The following BICD1 variants were observed in gnomAD, a reference collection of about 807,000 sequenced individuals.
BICD1 encodes the protein BICD cargo adaptor 1.
Under a neutral mutation model 92.5 loss-of-function variants are expected in BICD1, and 35 were observed. The observed-to-expected ratio is 0.38, with a 90% CI of 0.29 to 0.50. The LOEUF (loss-of-function observed/expected upper bound fraction) is 0.50. Ranked by LOEUF, BICD1 falls within the 20% of genes least tolerant of loss-of-function variation. The pLI is 0.93. For synonymous variants in BICD1, 429 were observed against 465.1 expected, an observed-to-expected ratio of 0.92 and a Z score of 1.00; for missense variants, 950 against 1,189.8, an observed-to-expected ratio of 0.80 and a Z score of 2.97.
rs949719894 is a variant in BICD1, at chr12:32,188,604, G to A, written c.214-27643G>A. ...ATTAGTTTGAAGAGAGACAGAGTAT[G>A]TGCACATTTAAACTTAAGGCAGAAA... On this transcript the variant is annotated intron_variant, in intron 1 of 9. Coordinates refer to ENST00000652176, the MANE Select transcript of BICD1 (RefSeq NM_001714.4). Among the ~76,000 whole-genome samples, 3 of 152,212 alleles carry A rather than the reference G, an allele frequency of 2.0e-5. No homozygotes were observed. In the East Asian group the frequency reaches 5.8e-4, roughly 29 times the overall value.
At chr12:32,336,112 AAAT>A (rs879392178) in intron 6 of BICD1, among the ~76,000 whole-genome samples, 3 of 152,384 alleles carry the variant, frequency 2.0e-5, no homozygotes, top group Non-Finnish European at 4.4e-5. Context: ...TCCGTCTCAA[AAAT>A]AATAATAATT....
At chr12:32,245,686 C>A (rs546825842) in intron 2 of BICD1, among the ~76,000 whole-genome samples, 50 of 152,058 alleles carry the variant, frequency 3.3e-4, no homozygotes, top group African/African-American at 1.1e-3. Context: ...TGAGGTAATG[C>A]AAAGCTCTTA....
chr12:32,348,978 C>T (rs913688173), intron 8 of BICD1, among the ~76,000 whole-genome samples: 4 of 152,016 alleles, frequency 2.6e-5, no homozygotes, highest in Non-Finnish European at 5.9e-5. Flanking sequence ...CAGAGAATAG[C>T]CCGTATTCCA....
At chr12:32,291,522 C>A (rs1162942547) in intron 2 of BICD1, among the ~76,000 whole-genome samples, 1 of 132,136 alleles carries the variant, frequency 7.6e-6, no homozygotes, top group Non-Finnish European at 1.7e-5. Context: ...CAAGACCCTG[C>A]TTCTACCAAA....
intron 1 of BICD1, among the ~76,000 whole-genome samples, chr12:32,172,985 C>T (rs980023957): frequency 6.6e-6 from 1 of 152,164 alleles, no homozygotes; most frequent in Non-Finnish European, 1.5e-5. Context: ...CTGAGTTCAC[C>T]AGCCCGCTCA....
intron 3 of BICD1, among the ~76,000 whole-genome samples, chr12:32,297,603 T>C (rs1947911340): frequency 1.3e-5 from 2 of 152,212 alleles, no homozygotes; most frequent in South Asian, 4.1e-4. Context: ...TGTGTTACTT[T>C]GTACTGAAGT....
chr12:32,332,885 T>C (rs1937938746), intron 5 of BICD1: 3 of 985,312 alleles, frequency 3.0e-6, no homozygotes, highest in South Asian at 4.7e-5. Flanking sequence ...GAAAGTCAAC[T>C]TTGGAATGTG....
At chr12:32,281,120 A>G (rs1481481675) in intron 2 of BICD1, among the ~76,000 whole-genome samples, 5 of 152,120 alleles carry the variant, frequency 3.3e-5, no homozygotes, top group African/African-American at 4.8e-5. Context: ...AGAACACCCT[A>G]TGGGAAATGG....
At chr12:32,342,126 GTA>G (rs3075992) in intron 8 of BICD1, among the ~76,000 whole-genome samples, 28,319 of 139,670 alleles carry the variant, frequency 0.2, 3,598 homozygotes, top group East Asian at 0.59. Flanking sequence ...ACATATATAT[GTA>G]TATATATATG....
At chr12:32,116,470 C>CTCTCTCTCTCTCTCTCTCTCTT (rs71064994) in intron 1 of BICD1, among the ~76,000 whole-genome samples, 1 of 121,324 alleles carries the variant, frequency 8.2e-6, no homozygotes, top group Non-Finnish European at 1.7e-5. Flanking sequence ...CTGTCTCTCT[C>CTCTCTCTCTCTCTCTCTCTCTT]TCTCTCTCTC....
chr12:32,125,508 T>A (rs2121259693), intron 1 of BICD1, among the ~76,000 whole-genome samples: 1 of 152,232 alleles, frequency 6.6e-6, no homozygotes, highest in Non-Finnish European at 1.5e-5. Context: ...AGAAAAGCAT[T>A]GAAAGTTTCA....
At position 32,231,019 on chromosome 12, in the gene BICD1, T is replaced by C. The variant is rs1055292518; in HGVS notation, c.426+14560T>C. 2.0e-5 allele frequency among the ~76,000 whole-genome samples: 3 copies of C among 152,368 alleles called. No individual in the cohort carries two copies. In the South Asian group the frequency reaches 6.2e-4, roughly 32 times the overall value. ...ATTTTTTCCATGATTTGGAAAGTGA[T>C]ATTATATTTGTCAATGAGAAATAAT... is the stretch of plus-strand genomic sequence containing the variant. On this transcript the variant is annotated intron_variant, in intron 2 of 9. Transcript: ENST00000652176.
At chr12:32,289,356 A>G (rs140088931) in intron 2 of BICD1, among the ~76,000 whole-genome samples, 1 of 152,250 alleles carries the variant, frequency 6.6e-6, no homozygotes, top group African/African-American at 2.4e-5. Context: ...GCTATTCCAT[A>G]TATCTATTGT....
chr12:32,114,159 C>A (rs182074567), intron 1 of BICD1, among the ~76,000 whole-genome samples: 12 of 152,134 alleles, frequency 7.9e-5, no homozygotes, highest in African/African-American at 2.4e-4. Flanking sequence ...GCATGAGCCA[C>A]CGCGCCCAGC....
chr12:32,310,914 C>T (rs1948356347), intron 4 of BICD1, among the ~76,000 whole-genome samples: 1 of 152,116 alleles, frequency 6.6e-6, no homozygotes, highest in Non-Finnish European at 1.5e-5. Context: ...AGTCCATATA[C>T]CCTTTCGGCC....
rs1376772254 is a variant in BICD1, at chr12:32,313,876, G to T, written c.1005+7754G>T. On this transcript the variant is annotated intron_variant, in intron 4 of 9. Transcript: ENST00000652176. The surrounding 1 kb of genome is among the most constrained non-coding windows in gnomAD (Gnocchi z 4.2). Reference sequence around the variant, plus strand: ...CGTGCCTATAGTCCCAGCTACTAGGGTCGCTGAGGTGGGAGGATTGCTTGA... The same window carrying T: ...CGTGCCTATAGTCCCAGCTACTAGGTTCGCTGAGGTGGGAGGATTGCTTGA... Among the ~76,000 whole-genome samples the T allele has an allele frequency of 1.3e-5, 2 of 152,188 alleles. No homozygotes were observed. The highest frequency in any genetic ancestry group is 2.9e-5 in the Non-Finnish European group (2 of 68,036).
intron 4 of BICD1, among the ~76,000 whole-genome samples, chr12:32,319,103 CT>C (rs1310012546): frequency 6.6e-5 from 10 of 152,052 alleles, no homozygotes; most frequent in African/African-American, 2.4e-4. Flanking sequence ...GATCATTTTA[CT>C]TTTTTCTTTC....
At chr12:32,215,967 A>AAAAAT (rs1426349503) in intron 1 of BICD1, among the ~76,000 whole-genome samples, 1 of 151,346 alleles carries the variant, frequency 6.6e-6, no homozygotes, top group Non-Finnish European at 1.5e-5. Flanking sequence ...AAAAAAAAAA[A>AAAAAT]AAAAAAAAGG....
chr12:32,276,677 G>GA (rs35116125), intron 2 of BICD1, among the ~76,000 whole-genome samples: 4,765 of 150,156 alleles, frequency 0.032, 250 homozygotes, highest in African/African-American at 0.11. Flanking sequence ...CTGCAAAAAA[G>GA]AAAAAAAAAA....
Sources: allele counts gnomAD v4.1 joint callset (sites outside exome capture counted in the v4.1 genomes callset), GRCh38; gene constraint gnomAD v4.1.1; non-coding constraint Gnocchi (gnomAD v3.1); transcripts MANE v1.5; gene names NCBI Gene and HGNC (gene_info 2026-07-23, HGNC 2026-07-21).